RARB: variants seen among roughly 807,000 people sequenced by gnomAD.
The protein encoded by RARB is retinoic acid receptor beta, also known as HBV-activated protein.
RARB carries 17 observed loss-of-function variants against 51.9 expected under a neutral mutation model. The observed-to-expected ratio is 0.33, with a 90% CI of 0.22 to 0.49. RARB has a LOEUF of 0.49. RARB is among the 20% of genes least tolerant of loss of function. The pLI is 0.99. For synonymous variants in RARB, 215 were observed against 195.4 expected (o/e 1.10, Z -0.84); for missense variants, 369 against 550.8 (o/e 0.67, Z 3.30).
At chr3:24,834,912 C>CTTTACTT (rs1702323979) in intron 1 of RARB, among the ~76,000 whole-genome samples, 1 of 151,972 alleles carries the variant, frequency 6.6e-6, no homozygotes, top group Non-Finnish European at 1.5e-5. Context: ...TTATTTCTTC[C>CTTTACTT]TTTCCTTTTT....
chr3:25,276,156 T>C (rs1274552608), intron 5 of RARB, among the ~76,000 whole-genome samples: 1 of 152,194 alleles, frequency 6.6e-6, no homozygotes, highest in Non-Finnish European at 1.5e-5. Context: ...TATGTGTGAA[T>C]CATAAAAAAT....
At chr3:25,467,234 G>T (rs1695476370) in intron 2 of RARB, among the ~76,000 whole-genome samples, 1 of 152,252 alleles carries the variant, frequency 6.6e-6, no homozygotes, top group African/African-American at 2.4e-5. Context: ...CTATGCTGTT[G>T]TATCAGTTAG....
intron 2 of RARB, among the ~76,000 whole-genome samples, chr3:24,883,359 TGTG>T (rs1703208464): frequency 4.9e-5 from 4 of 82,356 alleles, no homozygotes; most frequent in African/African-American, 3.2e-4. Context: ...ACAATCATTG[TGTG>T]TGTGTGTGTG....
chr3:25,299,842 C>T (rs528159813), intron 5 of RARB, among the ~76,000 whole-genome samples: 51 of 152,182 alleles, frequency 3.4e-4, no homozygotes, highest in Non-Finnish European at 5.4e-4. Flanking sequence ...TTTATCTTTC[C>T]TGTTCAAGAG....
chr3:25,345,990 G>A (rs117159354), intron 5 of RARB: 68 of 600,170 alleles, frequency 1.1e-4, no homozygotes, highest in African/African-American at 1.6e-4. Flanking sequence ...TGGCTCCGAT[G>A]AGTAGTTCTT....
At chr3:25,244,188 G>A (rs776637472) in intron 5 of RARB, among the ~76,000 whole-genome samples, 15 of 151,132 alleles carry the variant, frequency 9.9e-5, no homozygotes, top group African/African-American at 2.9e-4. Context: ...GTGTCTATTC[G>A]ATTCTTCTCC....
chr3:25,129,217 A>G (rs1361324265), intron 3 of RARB, among the ~76,000 whole-genome samples: 6 of 152,118 alleles, frequency 3.9e-5, no homozygotes, highest in African/African-American at 1.4e-4. Flanking sequence ...AATTATTTCA[A>G]TTTATTCCAC....
At chr3:25,269,164 A>T (rs1703193824) in intron 5 of RARB, among the ~76,000 whole-genome samples, 1 of 152,168 alleles carries the variant, frequency 6.6e-6, no homozygotes, top group African/African-American at 2.4e-5. Flanking sequence ...ATATGTCTCA[A>T]CTTTGGGCTG....
chr3:25,233,303 G>T (rs1382178297), intron 5 of RARB, among the ~76,000 whole-genome samples: 1 of 151,974 alleles, frequency 6.6e-6, no homozygotes, highest in Non-Finnish European at 1.5e-5. Flanking sequence ...CATATTATAG[G>T]TTTATCAGAA....
At chr3:25,364,974 G>C (rs892728519) in intron 5 of RARB, among the ~76,000 whole-genome samples, 1 of 151,934 alleles carries the variant, frequency 6.6e-6, no homozygotes, top group Non-Finnish European at 1.5e-5. Context: ...CCTAGAATCT[G>C]ATTACTATTA....
intron 5 of RARB, among the ~76,000 whole-genome samples, chr3:25,193,195 C>A (rs1156598680): frequency 6.6e-6 from 1 of 151,962 alleles, no homozygotes; most frequent in South Asian, 2.1e-4. Flanking sequence ...TCTCCCTTTT[C>A]CACTGATCAC....
At chr3:25,480,579 T>C (rs1266601535) in intron 2 of RARB, among the ~76,000 whole-genome samples, 2 of 152,216 alleles carry the variant, frequency 1.3e-5, no homozygotes, top group African/African-American at 4.8e-5. Context: ...TTGGTGATGT[T>C]TCATATAATT....
intron 5 of RARB, among the ~76,000 whole-genome samples, chr3:25,206,509 T>A (rs998335040): frequency 6.6e-6 from 1 of 152,192 alleles, no homozygotes; most frequent in Non-Finnish European, 1.5e-5. Flanking sequence ...CTACTAAGTA[T>A]GTTTTCATTT....
At chr3:25,297,515 T>C (rs1703944599) in intron 5 of RARB, among the ~76,000 whole-genome samples, 1 of 150,330 alleles carries the variant, frequency 6.7e-6, no homozygotes, top group South Asian at 2.1e-4. Flanking sequence ...TAACATTATA[T>C]GAATTCATAA....
chr3:25,345,575 G>T lies in RARB; in HGVS notation c.179-115618G>T, dbSNP rs1030782849. Among the ~76,000 whole-genome samples the T allele has an allele frequency of 2.0e-5, 3 of 148,910 alleles. No individual in the cohort carries two copies. In the Admixed American group the frequency reaches 2.0e-4, roughly 10 times the overall value. On this transcript the variant is annotated intron_variant, in intron 5 of 11. Coordinates refer to the RARB transcript ENST00000383772. ...AGCTACTCGGGAGGCTGAGGCAGGA[G>T]AATTGCTTGAACCCAAGAGGTGGAG...
At chr3:25,145,500 C>CA (rs61068783) in intron 4 of RARB, among the ~76,000 whole-genome samples, 83,393 of 151,470 alleles carry the variant, frequency 0.55, 23,227 homozygotes, top group East Asian at 0.7. Context: ...TTGTAAATTT[C>CA]AAAAAAAAGA....
intron 3 of RARB, among the ~76,000 whole-genome samples, chr3:25,112,810 C>T (rs1313063701): frequency 6.6e-6 from 1 of 152,066 alleles, no homozygotes; most frequent in African/African-American, 2.4e-5. Context: ...GTTTTCCTAA[C>T]CATCTTGTAT....
At chr3:25,594,442 G>T in intron 6 of RARB, 78 bp from the exon 7 acceptor site, 1 of 1,403,272 alleles carries the variant, frequency 7.1e-7, no homozygotes. Context: ...ACTCATAACA[G>T]TAGGAATAAG....
chr3:24,923,238 A>G (rs990240728), intron 2 of RARB, among the ~76,000 whole-genome samples: 1 of 152,198 alleles, frequency 6.6e-6, no homozygotes, highest in Non-Finnish European at 1.5e-5. Flanking sequence ...TGAAGTGCTT[A>G]GATAGCAAAC....
Sources: allele counts gnomAD v4.1 joint callset (sites outside exome capture counted in the v4.1 genomes callset), GRCh38; gene constraint gnomAD v4.1.1; transcripts MANE v1.5; gene names NCBI Gene and HGNC (gene_info 2026-07-23, HGNC 2026-07-21).